Variants in SNTG2 observed in about 807,000 individuals in gnomAD.
The protein encoded by SNTG2 is gamma-2-syntrophin.
SNTG2 carries 74 observed loss-of-function variants against 70.9 expected under a neutral mutation model. The ratio of observed to expected loss-of-function variants is 1.04; its 90% CI spans 0.86 to 1.27. SNTG2 has a LOEUF of 1.27. Ranked by LOEUF, SNTG2 falls within the 50% of genes most tolerant of loss-of-function variation. The pLI, the probability that SNTG2 is intolerant of heterozygous loss-of-function variation, is 0.00. For missense variants in SNTG2, 717 were observed against 690.7 expected, an observed-to-expected ratio of 1.04 and a Z score of -0.43; for synonymous variants, 278 against 273.8, an observed-to-expected ratio of 1.02 and a Z score of -0.15.
intron 8 of SNTG2, among the ~76,000 whole-genome samples, chr2:1,183,875 A>T (rs1444268259): frequency 6.6e-6 from 1 of 151,542 alleles, no homozygotes; most frequent in Non-Finnish European, 1.5e-5. Context: ...TGTATATCCA[A>T]TTTTTTTTTC....
chr2:977,760 C>T (rs1345258704), intron 1 of SNTG2, among the ~76,000 whole-genome samples: 3 of 152,076 alleles, frequency 2.0e-5, no homozygotes, highest in East Asian at 1.9e-4. Flanking sequence ...GCCTGCGTTG[C>T]CAACGTCACG....
At chr2:1,128,190 T>G (rs990430406) in intron 4 of SNTG2, among the ~76,000 whole-genome samples, 1 of 152,302 alleles carries the variant, frequency 6.6e-6, no homozygotes, top group South Asian at 2.1e-4. Flanking sequence ...CTGAATCTAT[T>G]TAGATGATCA....
chr2:1,358,380 A>AT (rs35158260), intron 16 of SNTG2, among the ~76,000 whole-genome samples: 105,106 of 149,400 alleles, frequency 0.7, 36,996 homozygotes, highest in East Asian at 0.93. Flanking sequence ...TCCAATCTTT[A>AT]TTTTTTTTTT....
At chr2:1,062,432 T>C (rs929340788) in intron 1 of SNTG2, among the ~76,000 whole-genome samples, 9 of 152,152 alleles carry the variant, frequency 5.9e-5, no homozygotes, top group Admixed American at 5.2e-4. Flanking sequence ...TGGTTTTGGG[T>C]ATGACAATGA....
At chr2:1,222,047 G>GTC (rs1207965521) in intron 9 of SNTG2, among the ~76,000 whole-genome samples, 2 of 6,002 alleles carry the variant, frequency 3.3e-4, no homozygotes, top group African/African-American at 7.4e-4. Flanking sequence ...GTCTCTCTCT[G>GTC]TCTCTCTCTG....
At chr2:1,161,741 AAAT>A (rs1426760026) in intron 6 of SNTG2, 5 of 152,260 alleles carry the variant, frequency 3.3e-5, no homozygotes, top group South Asian at 2.1e-4. Flanking sequence ...TGGGATTAAA[AAAT>A]AATAATAAAT....
At chr2:1,190,291 C>T (rs1306568036) in intron 8 of SNTG2, among the ~76,000 whole-genome samples, 1 of 151,802 alleles carries the variant, frequency 6.6e-6, no homozygotes, top group Non-Finnish European at 1.5e-5. Flanking sequence ...CTCCCATATA[C>T]TTTTAATCAT....
intron 1 of SNTG2, among the ~76,000 whole-genome samples, chr2:1,018,922 AG>A (rs1660000790): frequency 6.6e-6 from 1 of 152,146 alleles, no homozygotes; most frequent in African/African-American, 2.4e-5. Context: ...GGTAGTTTCC[AG>A]GGTGTGAAGA....
intron 9 of SNTG2, among the ~76,000 whole-genome samples, chr2:1,223,508 C>T (rs1191243398): frequency 1.3e-5 from 2 of 152,242 alleles, no homozygotes; most frequent in African/African-American, 2.4e-5. Context: ...GTGCTCCTAG[C>T]CCCACAACCA....
chr2:1,219,648 T>C (rs1323861752), intron 9 of SNTG2, among the ~76,000 whole-genome samples: 7 of 151,944 alleles, frequency 4.6e-5, no homozygotes, highest in Admixed American at 6.6e-5. Flanking sequence ...AGTAATTGAC[T>C]TTCTTTTTTT....
intron 9 of SNTG2, among the ~76,000 whole-genome samples, chr2:1,236,798 C>T (rs908888764): frequency 6.6e-6 from 1 of 152,156 alleles, no homozygotes; most frequent in Non-Finnish European, 1.5e-5. Flanking sequence ...ATGACACTCA[C>T]ATTTGAAAGA....
chr2:1,324,799 A>G (rs964897682), intron 16 of SNTG2, among the ~76,000 whole-genome samples: 1 of 152,238 alleles, frequency 6.6e-6, no homozygotes, highest in Non-Finnish European at 1.5e-5. Context: ...GGTTCCTTCT[A>G]CGTTGGTTTT....
chr2:1,287,188 T>A (rs1232999984), intron 14 of SNTG2, among the ~76,000 whole-genome samples: 1 of 152,190 alleles, frequency 6.6e-6, no homozygotes, highest in Non-Finnish European at 1.5e-5. Flanking sequence ...GTCTAAACAA[T>A]GAGTGATTGT....
At chr2:1,022,595 C>T (rs966501253) in intron 1 of SNTG2, among the ~76,000 whole-genome samples, 1 of 152,128 alleles carries the variant, frequency 6.6e-6, no homozygotes, top group African/African-American at 2.4e-5. Context: ...TTCTGATTCC[C>T]TGTGTTCCTC....
At chr2:987,984 G>A (rs978558791) in intron 1 of SNTG2, among the ~76,000 whole-genome samples, 5 of 152,228 alleles carry the variant, frequency 3.3e-5, no homozygotes, top group Non-Finnish European at 7.3e-5. Context: ...CTGCCCAGAT[G>A]CAGCTTCTTC....
chr2:1,363,108 T>A (rs1661288375), intron 16 of SNTG2, among the ~76,000 whole-genome samples: 1 of 145,974 alleles, frequency 6.9e-6, no homozygotes, highest in South Asian at 2.3e-4. Context: ...GAATGACTCC[T>A]GTGAAACCCT....
chr2:1,317,956 A>G (rs966697408), intron 16 of SNTG2, among the ~76,000 whole-genome samples: 5 of 152,258 alleles, frequency 3.3e-5, no homozygotes, highest in African/African-American at 1.2e-4. Context: ...TTATTTTAAA[A>G]TATACCAGAA....
At chr2:996,253 C>G (rs2147982711) in intron 1 of SNTG2, among the ~76,000 whole-genome samples, 1 of 152,256 alleles carries the variant, frequency 6.6e-6, no homozygotes. Context: ...CACTTAAAAA[C>G]TAAGAGAACT....
At chr2:1,283,454 A>G (rs1202422063) in intron 14 of SNTG2, among the ~76,000 whole-genome samples, 1 of 152,072 alleles carries the variant, frequency 6.6e-6, no homozygotes, top group African/African-American at 2.4e-5. Context: ...CCCAGTTACA[A>G]ATTAGTCAAC....
Sources: gnomAD v4.1 joint callset for allele counts (sites outside exome capture counted in the v4.1 genomes callset) on GRCh38, gnomAD v4.1.1 for gene constraint, MANE v1.5 for transcripts, NCBI Gene and HGNC (gene_info 2026-07-23, HGNC 2026-07-21) for gene names.